Variants in CYB5RL observed in about 807,000 individuals in gnomAD.
CYB5RL encodes the protein NADH-cytochrome b5 reductase-like.
A neutral mutation model predicts 37.5 loss-of-function variants in CYB5RL; 38 were observed. That is an observed-to-expected ratio of 1.01 (90% CI 0.78 to 1.33). The LOEUF is 1.33. Among genes scored for constraint, CYB5RL ranks in the 40% most tolerant of loss-of-function variants. CYB5RL has a pLI of 0.00. For missense variants in CYB5RL, 388 were observed against 394.4 expected (o/e 0.98, Z 0.14); for synonymous variants, 141 against 151.9 (o/e 0.93, Z 0.53).
At chr1:54,177,995 C>T (rs1458083027) in intron 7 of CYB5RL, among the ~76,000 whole-genome samples, 1 of 152,220 alleles carries the variant, frequency 6.6e-6, no homozygotes, top group Admixed American at 6.5e-5. Flanking sequence ...GCTGCCCATG[C>T]TGCTGGGCAA....
In CYB5RL at chr1:54,180,742, G is replaced by A. The variant is rs369766634; in HGVS notation, c.541-1390C>T. 1.7e-3 allele frequency among the ~76,000 whole-genome samples: 265 copies of A among 152,192 alleles called. 2 individuals are homozygous for A. The highest frequency in any genetic ancestry group is 6.2e-3 in the African/African-American group (259 of 41,524). On this transcript the variant is annotated intron_variant, in intron 6 of 7. Coordinates refer to ENST00000534324, the MANE Select transcript of CYB5RL (RefSeq NM_001031672.4). Reference sequence around the variant, plus strand: ...GTATAAATCCCCAACCATGTGATCTGGGCAAGCTCTTTCACCAATATAATC... The same window carrying A: ...GTATAAATCCCCAACCATGTGATCTAGGCAAGCTCTTTCACCAATATAATC...
At chr1:54,194,161 A>G (rs1315317546) in intron 3 of CYB5RL, among the ~76,000 whole-genome samples, 1 of 151,738 alleles carries the variant, frequency 6.6e-6, no homozygotes, top group East Asian at 1.9e-4. Flanking sequence ...ACCTAAGTTC[A>G]GGAGTTCAAG....
rs745935842 is a variant in CYB5RL at position 54,181,012 on chromosome 1, C to CAAACA, written c.541-1665_541-1661dup. 6.8e-4 allele frequency among the ~76,000 whole-genome samples: 104 copies of CAAACA among 152,238 alleles called. 1 individual carries two copies. The highest frequency in any genetic ancestry group is 9.6e-4 in the Non-Finnish European group (65 of 67,998). On this transcript the variant is annotated intron_variant, in intron 6 of 7. Coordinates refer to ENST00000534324, the MANE Select transcript of CYB5RL (RefSeq NM_001031672.4). ...GCTGGGCAAGAGTGAGACCCTGTCT[C>CAAACA]AAACAAAACAAAACAAAACAAACAA...
At position 54,171,778 on chromosome 1, in the gene CYB5RL, T is replaced by C. The variant is rs1659898151; in HGVS notation, c.*2841A>G. 1 of 307,006 alleles carries C rather than the reference T, an allele frequency of 3.3e-6. No individual in the cohort carries two copies. The highest frequency in any genetic ancestry group is 2.2e-5 in the African/African-American group (1 of 46,298). The allele number at this position is 307,006 out of a possible 1,614,324, so 19.0% of individuals were successfully genotyped here. The stretch of plus-strand genomic sequence containing the variant: ...GAGGAACAGCAGCTGATGGGAACCA[T>C]GCCCCCACAGCTCCAAGAGGTCTGA... On this transcript the variant is annotated 3_prime_UTR_variant, in exon 8 of 8. Coordinates refer to ENST00000534324, the MANE Select transcript of CYB5RL (RefSeq NM_001031672.4).
chr1:54,193,763 T>C (rs1277445068), intron 3 of CYB5RL, among the ~76,000 whole-genome samples: 2 of 151,486 alleles, frequency 1.3e-5, no homozygotes, highest in Non-Finnish European at 2.9e-5. Context: ...TCAGTTGAGG[T>C]CAGGAGTTCG....
intron 3 of CYB5RL, among the ~76,000 whole-genome samples, 172 bp downstream of exon 3, chr1:54,195,247 C>T (rs143820875): frequency 0.011 from 1,630 of 152,326 alleles, 55 homozygotes; most frequent in Admixed American, 0.065. Flanking sequence ...CACACAGCTG[C>T]TAATAAGTTT....
At chr1:54,186,654 C>T (rs1643901801) in intron 5 of CYB5RL, among the ~76,000 whole-genome samples, 1 of 151,878 alleles carries the variant, frequency 6.6e-6, no homozygotes, top group South Asian at 2.1e-4. Context: ...CCTGGGGAAG[C>T]AGGCCATTTG....
chr1:54,191,072 G>A (rs543234853), intron 3 of CYB5RL, among the ~76,000 whole-genome samples, 176 bp from the exon 4 acceptor site: 1 of 152,320 alleles, frequency 6.6e-6, no homozygotes, highest in African/African-American at 2.4e-5. Context: ...GAATGCCAGA[G>A]CGCTTTCCTT....
chr1:54,187,973 G>A, intron 4 of CYB5RL: 1 of 497,180 alleles, frequency 2.0e-6, no homozygotes, highest in South Asian at 2.6e-5. Context: ...CTACCTGGGA[G>A]GCTGAGTCAC....
Position 54,171,814 on chromosome 1 carries a change from C to T in CYB5RL, c.*2805G>A, listed in dbSNP as rs1659899094. Reference sequence around the variant, plus strand: ...CTCCAAGAGGTCTGAACTCACACACCACACCCCACACTCTTCTTCTTGGGC... The same window carrying T: ...CTCCAAGAGGTCTGAACTCACACACTACACCCCACACTCTTCTTCTTGGGC... On this transcript the variant is annotated 3_prime_UTR_variant, in exon 8 of 8. Transcript: ENST00000534324. 3.8e-6 allele frequency: 1 copy of T among 265,126 alleles called. No individual in the cohort carries two copies. The highest frequency in any genetic ancestry group is 4.5e-5 in the Admixed American group (1 of 22,338). 16.4% of individuals were successfully genotyped at this position (265,126 alleles called of 1,614,324 possible).
Position 54,190,776 on chromosome 1 carries a change from G to A in CYB5RL, c.319C>T (p.Leu107=), listed in dbSNP as rs776224835. ...AGGATGAGGTGCTGGCCGGGCCGCA[G>A]GCCAAGCTGGCTGTTCCCGGGTAGA... ...FALPGNSQLG[L]RPGQHLILRG... Residue 107 remains leucine, a synonymous_variant, in exon 4 of 8, where the codon CTG becomes TTG. Coordinates refer to ENST00000534324, the MANE Select transcript of CYB5RL (RefSeq NM_001031672.4). The A allele has an allele frequency of 3.8e-6, 6 of 1,559,656 alleles. No individual in the cohort carries two copies. The African/African-American group carries it at 6.8e-5, about 18-fold the overall frequency.
intron 4 of CYB5RL, 109 bp downstream of exon 4, chr1:54,190,639 G>T: frequency 7.2e-7 from 1 of 1,380,854 alleles, no homozygotes; most frequent in Non-Finnish European, 1.0e-6. Flanking sequence ...CTATCTTGAA[G>T]ATGACAAATG....
At position 54,174,719 on chromosome 1, in the gene CYB5RL, T is replaced by C. The variant is rs769265229; in HGVS notation, c.848A>G (p.Lys283Arg). The part of the protein sequence containing the change: ...IKELVSCCRR[K>R]PFALVCGSAE... Reference sequence around the variant, plus strand: ...CGAGCCACAGACCAGTGCGAATGGCTTTCTCCGACAGCAGCTGACCAGCTC... The same window carrying C: ...CGAGCCACAGACCAGTGCGAATGGCCTTCTCCGACAGCAGCTGACCAGCTC... The change falls in exon 8 of 8, where the codon AAG (lysine) becomes AGG (arginine). Residue 283 changes from lysine to arginine, a missense_variant. Lys to Arg is a conservative substitution (Grantham distance 26). Coordinates refer to ENST00000534324, the MANE Select transcript of CYB5RL (RefSeq NM_001031672.4). 44 of 1,613,894 alleles carry C rather than the reference T, an allele frequency of 2.7e-5. No individual in the cohort carries two copies. In the South Asian group the frequency reaches 3.4e-4, roughly 12 times the overall value.
At chr1:54,192,518 AT>A (rs1325590502) in intron 3 of CYB5RL, among the ~76,000 whole-genome samples, 2 of 152,054 alleles carry the variant, frequency 1.3e-5, no homozygotes, top group African/African-American at 2.4e-5. Context: ...TATCATTTAA[AT>A]TTCCAGTGTT....
At chr1:54,181,317 GTC>G (rs1660153495) in intron 6 of CYB5RL, among the ~76,000 whole-genome samples, 1 of 152,216 alleles carries the variant, frequency 6.6e-6, no homozygotes, top group Non-Finnish European at 1.5e-5. Context: ...CTGTCTGTGT[GTC>G]TGACTCCCCC....
At chr1:54,198,027 C>CAAAAAAAAAAA (rs575486117) in intron 1 of CYB5RL, among the ~76,000 whole-genome samples, 40 of 78,530 alleles carry the variant, frequency 5.1e-4, no homozygotes, top group East Asian at 1.8e-3. Flanking sequence ...GACTCTGTCT[C>CAAAAAAAAAAA]AAAAAAAAAA....
intron 3 of CYB5RL, among the ~76,000 whole-genome samples, chr1:54,194,023 A>G (rs925892831): frequency 1.4e-5 from 2 of 147,486 alleles, no homozygotes; most frequent in Non-Finnish European, 3.0e-5. Context: ...TAATAATAAT[A>G]ATAATGATAA....
rs140061565 is a variant in CYB5RL, at chr1:54,171,665, G to A, written c.*2954C>T. 82 of 349,882 alleles carry A rather than the reference G, an allele frequency of 2.3e-4. No individual in the cohort carries two copies. The highest frequency in any genetic ancestry group is 1.6e-3 in the African/African-American group (76 of 46,768). The allele number at this position is 349,882 out of a possible 1,614,324, so 21.7% of individuals were successfully genotyped here. A position where few individuals can be genotyped will look rare whatever the true frequency, so the allele number is the denominator to read the frequency against. ...ACCTGGTTGACCTCTTGATGCCTGC[G>A]TATCATGTCTAGCTCCTAAGTCTCC... is the stretch of plus-strand genomic sequence containing the variant. On this transcript the variant is annotated 3_prime_UTR_variant, in exon 8 of 8. Transcript: ENST00000534324.
At position 54,171,903 on chromosome 1, in the gene CYB5RL, G is replaced by C. The variant is rs1659901685; in HGVS notation, c.*2716C>G. 1 of 175,566 alleles carries C rather than the reference G, an allele frequency of 5.7e-6. No individual in the cohort carries two copies. The highest frequency in any genetic ancestry group is 1.2e-5 in the Non-Finnish European group (1 of 80,070). The allele number at this position is 175,566 out of a possible 1,614,324, so 10.9% of individuals were successfully genotyped here. On this transcript the variant is annotated 3_prime_UTR_variant, in exon 8 of 8. Coordinates refer to ENST00000534324, the MANE Select transcript of CYB5RL (RefSeq NM_001031672.4). ...ACTCTCAAGTTTCCAGGCGACAGGA[G>C]CCCTTTAGGCTTCTTGGCACCAAGG...
Sources: allele counts gnomAD v4.1 joint callset (sites outside exome capture counted in the v4.1 genomes callset), GRCh38; gene constraint gnomAD v4.1.1; transcripts MANE v1.5; gene names NCBI Gene and HGNC (gene_info 2026-07-23, HGNC 2026-07-21).